Variants in GFRAL observed in about 807,000 individuals in gnomAD.
GFRAL encodes the protein GDNF family receptor alpha like, also known as GDNF family receptor alpha-like.
GFRAL carries 36 observed loss-of-function variants against 45.4 expected under a neutral mutation model. That is an observed-to-expected ratio of 0.79 (90% CI 0.61 to 1.05). The LOEUF (loss-of-function observed/expected upper bound fraction) is 1.05. Ranked by LOEUF, GFRAL falls within the 50% of genes least tolerant of loss-of-function variation. GFRAL has a pLI of 0.00. For missense variants in GFRAL, 507 were observed against 467.5 expected, an observed-to-expected ratio of 1.08 and a Z score of -0.78; for synonymous variants, 166 against 154.1, an observed-to-expected ratio of 1.08 and a Z score of -0.57.
At chr6:55,365,687 A>G (rs1430280888) in intron 6 of GFRAL, among the ~76,000 whole-genome samples, 2 of 146,042 alleles carry the variant, frequency 1.4e-5, no homozygotes, top group East Asian at 3.9e-4. Context: ...TTCTGCATCT[A>G]TTGAGATAAT....
chr6:55,385,730 A>G (rs1561866051), intron 6 of GFRAL, among the ~76,000 whole-genome samples: 1 of 152,100 alleles, frequency 6.6e-6, no homozygotes, highest in Admixed American at 6.6e-5. Flanking sequence ...ATAAGAGACT[A>G]TTTAAAAAGT....
intron 6 of GFRAL, among the ~76,000 whole-genome samples, chr6:55,360,072 T>C (rs1768253254): frequency 2.6e-5 from 4 of 151,976 alleles, no homozygotes; most frequent in Non-Finnish European, 5.9e-5. Context: ...GACAAGAAAA[T>C]TGATATTTAG....
intron 6 of GFRAL, among the ~76,000 whole-genome samples, chr6:55,389,215 A>C (rs1381537556): frequency 6.6e-6 from 1 of 152,142 alleles, no homozygotes; most frequent in Non-Finnish European, 1.5e-5. Flanking sequence ...AGTACCCATT[A>C]GTTATTTTTC....
At chr6:55,368,948 C>T (rs997324382) in intron 6 of GFRAL, among the ~76,000 whole-genome samples, 1 of 152,090 alleles carries the variant, frequency 6.6e-6, no homozygotes, top group African/African-American at 2.4e-5. Context: ...GGCAGGCCTC[C>T]TTGAGCTGTG....
At chr6:55,400,887 GC>G (rs1262182780) in intron 8 of GFRAL, among the ~76,000 whole-genome samples, 1 of 152,036 alleles carries the variant, frequency 6.6e-6, no homozygotes, top group Admixed American at 6.5e-5. Flanking sequence ...CAGTTTTCTG[GC>G]CCGGCAAAAA....
rs557499174 is a variant in GFRAL at position 55,343,770 on chromosome 6, C to T, written c.317-6322C>T. 1.2e-4 allele frequency among the ~76,000 whole-genome samples: 18 copies of T among 152,126 alleles called. 1 individual carries two copies. The highest frequency in any genetic ancestry group is 4.1e-4 in the African/African-American group (17 of 41,514). ...TTTTTGAAAAGATCAACAAAATTGA[C>T]AGACTGCTAACAAGACTAATAAAGA... On this transcript the variant is annotated intron_variant, in intron 3 of 8. Coordinates refer to ENST00000340465, the MANE Select transcript of GFRAL (RefSeq NM_207410.2).
chr6:55,362,612 G>T (rs1290409342), intron 6 of GFRAL, among the ~76,000 whole-genome samples: 1 of 151,992 alleles, frequency 6.6e-6, no homozygotes, highest in Non-Finnish European at 1.5e-5. Flanking sequence ...GAGAGAAGTT[G>T]GTTAAGAGAC....
intron 6 of GFRAL, among the ~76,000 whole-genome samples, chr6:55,395,175 A>AAAAAATATATATATATAT: frequency 5.3e-4 from 65 of 123,456 alleles, no homozygotes; most frequent in Admixed American, 1.1e-3. Flanking sequence ...AAAAAAAAAA[A>AAAAAATATATATATATAT]ATATATATAT....
chr6:55,399,453 T>C lies in GFRAL; in HGVS notation c.1121+12T>C, dbSNP rs747307748. The C allele has an allele frequency of 2.7e-5, 43 of 1,564,702 alleles. No individual in the cohort carries two copies. Among genetic ancestry groups the C allele is most frequent in the Non-Finnish European group, 3.8e-5 (43 of 1,135,228 alleles). ...ATGGTCAAGCTTAGGTAACTGAATA[T>C]AAATTAGAAGGAAAGGTCTGAAAGG... On this transcript the variant is annotated intron_variant, in intron 8 of 8. Coordinates refer to ENST00000340465, the MANE Select transcript of GFRAL (RefSeq NM_207410.2).
chr6:55,400,322 T>C lies in GFRAL; in HGVS notation c.1121+881T>C, dbSNP rs556402912. On this transcript the variant is annotated intron_variant, in intron 8 of 8. Coordinates refer to ENST00000340465, the MANE Select transcript of GFRAL (RefSeq NM_207410.2). Reference sequence around the variant, plus strand: ...ACATACACAAATTATATCAGTAAGATTGGGCCTTCAGAGGAACAGAAGTAT... The same window carrying C: ...ACATACACAAATTATATCAGTAAGACTGGGCCTTCAGAGGAACAGAAGTAT... 3.9e-5 allele frequency among the ~76,000 whole-genome samples: 6 copies of C among 152,206 alleles called. No individual in the cohort carries two copies. In the East Asian group the frequency reaches 1.2e-3, roughly 29 times the overall value.
intron 6 of GFRAL, among the ~76,000 whole-genome samples, chr6:55,363,943 G>A (rs1260811725): frequency 6.7e-6 from 1 of 149,264 alleles, no homozygotes; most frequent in Admixed American, 6.7e-5. Flanking sequence ...AGTCCTTTGG[G>A]TATATACCCA....
At chr6:55,372,647 T>C (rs1479971530) in intron 6 of GFRAL, among the ~76,000 whole-genome samples, 1 of 152,148 alleles carries the variant, frequency 6.6e-6, no homozygotes, top group African/African-American at 2.4e-5. Context: ...TATGGTTCGA[T>C]GGTGGCAACA....
chr6:55,347,140 G>T (rs1420460331), intron 3 of GFRAL, among the ~76,000 whole-genome samples: 2 of 152,118 alleles, frequency 1.3e-5, no homozygotes, highest in East Asian at 3.9e-4. Context: ...CTGAATGGGT[G>T]AGTGATATAG....
chr6:55,359,148 C>T lies in GFRAL; in HGVS notation c.952+10C>T. ...AGAAAATCATGTTTCAGTAAGTTCC[C>T]CAAATAAAATTATCTGTCTATCTAT... On this transcript the variant is annotated intron_variant, in intron 6 of 8. Transcript: ENST00000340465. 1 of 1,513,878 alleles carries T rather than the reference C, an allele frequency of 6.6e-7. No individual in the cohort carries two copies. Among genetic ancestry groups the T allele is most frequent in the South Asian group, 1.1e-5 (1 of 87,240 alleles). 93.8% of individuals were successfully genotyped at this position (1,513,878 alleles called of 1,614,324 possible).
At chr6:55,327,618 T>A in intron 1 of GFRAL, 42 bp downstream of exon 1, 2 of 1,574,482 alleles carry the variant, frequency 1.3e-6, no homozygotes, top group Non-Finnish European at 1.7e-6. Context: ...TTATTCATAA[T>A]ACTAATTCTT....
chr6:55,351,620 G>T, intron 5 of GFRAL, 37 bp downstream of exon 5: 1 of 1,486,068 alleles, frequency 6.7e-7, no homozygotes, highest in South Asian at 1.2e-5. Flanking sequence ...TTCTTATTTC[G>T]GCACCTTATT....
intron 3 of GFRAL, among the ~76,000 whole-genome samples, chr6:55,347,856 A>G (rs1768063990): frequency 6.6e-6 from 1 of 152,132 alleles, no homozygotes. Context: ...ATGTTGCCAC[A>G]TACCCTCTAA....
intron 6 of GFRAL, among the ~76,000 whole-genome samples, chr6:55,390,958 A>G (rs886997418): frequency 6.6e-6 from 1 of 151,190 alleles, no homozygotes; most frequent in Non-Finnish European, 1.5e-5. Flanking sequence ...CTCACAGGGC[A>G]TTGGATGGTG....
At chr6:55,367,324 C>T (rs1379291888) in intron 6 of GFRAL, among the ~76,000 whole-genome samples, 1 of 141,792 alleles carries the variant, frequency 7.1e-6, no homozygotes, top group Non-Finnish European at 1.5e-5. Flanking sequence ...TTATTTTGAG[C>T]CTATGGGTGT....
Sources: gnomAD v4.1 joint callset for allele counts (sites outside exome capture counted in the v4.1 genomes callset) on GRCh38, gnomAD v4.1.1 for gene constraint, MANE v1.5 for transcripts, NCBI Gene and HGNC (gene_info 2026-07-23, HGNC 2026-07-21) for gene names.